NFATC3: variants seen among roughly 807,000 people sequenced by gnomAD.
NFATC3 encodes the protein nuclear factor of activated T cells 3.
In NFATC3, 46 loss-of-function variants were observed where a neutral mutation model predicts 98.6. The ratio of observed to expected loss-of-function variants is 0.47; its 90% CI spans 0.37 to 0.60. The LOEUF is 0.60. Ranked by LOEUF, NFATC3 falls within the 20% of genes least tolerant of loss-of-function variation. The pLI is 0.00. For missense variants in NFATC3, 1,256 were observed against 1,295.5 expected (o/e 0.97, Z 0.47); for synonymous variants, 512 against 472.2 (o/e 1.08, Z -1.09).
chr16:68,104,359 T>G (rs1464298959), intron 1 of NFATC3, among the ~76,000 whole-genome samples: 1 of 152,222 alleles, frequency 6.6e-6, no homozygotes, highest in Non-Finnish European at 1.5e-5. Context: ...CAACAGAATT[T>G]TATGTGTTGA....
At chr16:68,149,982 G>GT (rs2038229728) in intron 3 of NFATC3, among the ~76,000 whole-genome samples, 1 of 152,086 alleles carries the variant, frequency 6.6e-6, no homozygotes. Flanking sequence ...TTTATTAGCT[G>GT]TTTTTCCCTG....
At chr16:68,125,924 G>A (rs1021290249) in intron 2 of NFATC3, among the ~76,000 whole-genome samples, 1 of 151,562 alleles carries the variant, frequency 6.6e-6, no homozygotes, top group African/African-American at 2.4e-5. Context: ...ACAGAGTCTC[G>A]CTCTTTTGGC....
At chr16:68,113,785 C>T (rs1033987359) in intron 1 of NFATC3, among the ~76,000 whole-genome samples, 2 of 152,242 alleles carry the variant, frequency 1.3e-5, no homozygotes, top group African/African-American at 2.4e-5. Flanking sequence ...TACTGCAGTT[C>T]CTGCAAGGAG....
At chr16:68,146,918 C>A (rs2038067123) in intron 3 of NFATC3, among the ~76,000 whole-genome samples, 1 of 152,230 alleles carries the variant, frequency 6.6e-6, no homozygotes, top group African/African-American at 2.4e-5. Context: ...TTATTGCCTA[C>A]AACATAAATG....
At chr16:68,165,948 A>G (rs1483208938) in intron 4 of NFATC3, among the ~76,000 whole-genome samples, 5 of 152,240 alleles carry the variant, frequency 3.3e-5, no homozygotes, top group Admixed American at 6.5e-5. Flanking sequence ...ATAGTGTGTT[A>G]AACAGTCATA....
At chr16:68,096,193 T>A (rs1475624911) in intron 1 of NFATC3, among the ~76,000 whole-genome samples, 1 of 152,178 alleles carries the variant, frequency 6.6e-6, no homozygotes, top group Non-Finnish European at 1.5e-5. Context: ...CTCAAACTCC[T>A]GGGCCTGAGC....
chr16:68,206,832 A>G (rs982633409), intron 9 of NFATC3, among the ~76,000 whole-genome samples: 1 of 151,844 alleles, frequency 6.6e-6, no homozygotes, highest in East Asian at 1.9e-4. Flanking sequence ...AAAATTTAAA[A>G]ATTAGTTGGG....
At chr16:68,177,648 T>A (rs2039776362) in intron 6 of NFATC3, among the ~76,000 whole-genome samples, 1 of 152,160 alleles carries the variant, frequency 6.6e-6, no homozygotes, top group South Asian at 2.1e-4. Flanking sequence ...TTTTGTCTTT[T>A]TAAAACTTAA....
At chr16:68,207,544 GTC>G (rs1387424680) in intron 9 of NFATC3, among the ~76,000 whole-genome samples, 1 of 152,170 alleles carries the variant, frequency 6.6e-6, no homozygotes, top group African/African-American at 2.4e-5. Flanking sequence ...GCTCACTGAA[GTC>G]TCTGCCTCCT....
At chr16:68,117,274 G>A (rs1388980076) in intron 1 of NFATC3, among the ~76,000 whole-genome samples, 1 of 152,172 alleles carries the variant, frequency 6.6e-6, no homozygotes, top group Non-Finnish European at 1.5e-5. Context: ...AATTCAACAG[G>A]CTGATAGCAT....
intron 9 of NFATC3, chr16:68,218,091 A>T (rs1320437898): frequency 1.0e-6 from 1 of 960,392 alleles, no homozygotes; most frequent in African/African-American, 1.8e-5. Flanking sequence ...ACAGGGTCTC[A>T]CACTGTTGCC....
chr16:68,191,959 A>G (rs2040425792), intron 9 of NFATC3, 184 bp downstream of exon 9: 2 of 635,318 alleles, frequency 3.1e-6, no homozygotes. Flanking sequence ...CCTGTATCCC[A>G]GCACTTTGGA....
intron 9 of NFATC3, chr16:68,225,285 A>G (rs1246650987): frequency 6.6e-6 from 1 of 152,198 alleles, no homozygotes; most frequent in Non-Finnish European, 1.5e-5. Context: ...CATTACTCTG[A>G]AAAGAAACTC....
At chr16:68,148,759 G>A (rs2038166503) in intron 3 of NFATC3, among the ~76,000 whole-genome samples, 1 of 152,166 alleles carries the variant, frequency 6.6e-6, no homozygotes, top group South Asian at 2.1e-4. Context: ...TGTAATCCTA[G>A]CACCTTAGGA....
chr16:68,159,522 A>C (rs1003274647), intron 4 of NFATC3, among the ~76,000 whole-genome samples: 3 of 149,968 alleles, frequency 2.0e-5, no homozygotes, highest in African/African-American at 4.9e-5. Flanking sequence ...TCCTGGGTTG[A>C]TGCCATTCTC....
chr16:68,110,948 A>G (rs2035915110), intron 1 of NFATC3, among the ~76,000 whole-genome samples: 1 of 152,046 alleles, frequency 6.6e-6, no homozygotes, highest in Admixed American at 6.6e-5. Context: ...TTCAATTTCC[A>G]TGTAGTTGTG....
At chr16:68,115,729 G>GTTTT (rs554773002) in intron 1 of NFATC3, among the ~76,000 whole-genome samples, 3 of 150,488 alleles carry the variant, frequency 2.0e-5, no homozygotes, top group Non-Finnish European at 4.4e-5. Context: ...CTGGCCGATT[G>GTTTT]TTTTTTTTTG....
chr16:68,191,499 T>C lies in NFATC3; in HGVS notation c.2830T>C (p.Ser944Pro). 2 of 1,614,042 alleles carry C rather than the reference T, an allele frequency of 1.2e-6. No individual in the cohort carries two copies. The highest frequency in any genetic ancestry group is 1.7e-6 in the Non-Finnish European group (2 of 1,180,020). Residue 944 changes from serine to proline, a missense_variant, in exon 9 of 10, where the codon TCT becomes CCT. Coordinates refer to ENST00000346183, the MANE Select transcript of NFATC3 (RefSeq NM_173165.3). ...LASSPLSGPP[S>P]PQLQPMPYQS... ...TAGTTCACCGCTTTCTGGGCCACCA[T>C]CTCCTCAGCTTCAGCCTATGCCTTA... is the stretch of plus-strand genomic sequence containing the variant.
chr16:68,138,997 A>G (rs765086408), intron 3 of NFATC3, among the ~76,000 whole-genome samples: 2 of 152,080 alleles, frequency 1.3e-5, no homozygotes, highest in Non-Finnish European at 2.9e-5. Context: ...TACTTATTCG[A>G]TATGTATTTT....
Sources: gnomAD v4.1 joint callset for allele counts (sites outside exome capture counted in the v4.1 genomes callset) on GRCh38, gnomAD v4.1.1 for gene constraint, MANE v1.5 for transcripts, NCBI Gene and HGNC (gene_info 2026-07-23, HGNC 2026-07-21) for gene names.